The following GOLGA6L7 variants were observed in gnomAD, a reference collection of about 807,000 sequenced individuals.
GOLGA6L7 encodes golgin A6 family like 7.
Under a neutral mutation model 68.9 loss-of-function variants are expected in GOLGA6L7, and 29 were observed. The ratio of observed to expected loss-of-function variants is 0.42; its 90% CI spans 0.31 to 0.57. GOLGA6L7 has a LOEUF of 0.57. GOLGA6L7 is among the 20% of genes least tolerant of loss of function. The pLI is 0.13. For synonymous variants in GOLGA6L7, 133 were observed against 197.4 expected, an observed-to-expected ratio of 0.67 and a Z score of 2.73; for missense variants, 396 against 588.4, an observed-to-expected ratio of 0.67 and a Z score of 3.38.
intron 1 of GOLGA6L7, 69 bp from the exon 2 acceptor site, chr15:28,847,261 A>C: frequency 1.1e-6 from 1 of 896,414 alleles, no homozygotes. Context: ...CAGTTTATAC[A>C]AAATACTCTC....
chr15:28,842,454 G>C lies in GOLGA6L7; in HGVS notation c.1650C>G (p.Leu550=). Residue 550 remains leucine (L), a synonymous_variant, in exon 9 of 9, where the codon CTC becomes CTG. Transcript: ENST00000567390. ...TQEERCSEPC[L]PPSKYPSDMS... ...TATCAGAAGGATATTTGGAGGGAGG[G>C]AGGCAGGGCTCTGAGCACCGCTCCT... 8.9e-7 allele frequency: 1 copy of C among 1,129,050 alleles called. No homozygotes were observed. Among genetic ancestry groups the C allele is most frequent in the Non-Finnish European group, 1.1e-6 (1 of 887,564 alleles). 69.9% of individuals were successfully genotyped at this position (1,129,050 alleles called of 1,614,324 possible).
chr15:28,842,071 C>T lies in GOLGA6L7; in HGVS notation c.*164G>A, dbSNP rs1307649269. On this transcript the variant is annotated 3_prime_UTR_variant, in exon 9 of 9. Transcript: ENST00000567390. Reference sequence around the variant, plus strand: ...TAGCTGGGATTGGTGATCCACCCGCCTAGGCCTCCCAAAGTGGTGTGATTA... The same window carrying T: ...TAGCTGGGATTGGTGATCCACCCGCTTAGGCCTCCCAAAGTGGTGTGATTA... 1 of 492,172 alleles carries T rather than the reference C, an allele frequency of 2.0e-6. No individual in the cohort carries two copies. The highest frequency in any genetic ancestry group is 2.0e-5 in the African/African-American group (1 of 49,884). 30.5% of individuals were successfully genotyped at this position (492,172 alleles called of 1,614,324 possible). A position where few individuals can be genotyped will look rare whatever the true frequency, so the allele number is the denominator to read the frequency against.
rs868471388 is a variant in GOLGA6L7 at position 28,845,124 on chromosome 15, G to A, written c.462+405C>T. 4.3e-4 allele frequency: 110 copies of A among 255,446 alleles called. 1 individual carries two copies. Among genetic ancestry groups the A allele is most frequent in the South Asian group, 2.2e-3 (69 of 31,344 alleles). 15.8% of individuals were successfully genotyped at this position (255,446 alleles called of 1,614,324 possible). ...TTATGTATATTACCATAATACGTAC[G>A]TACACACACACACACACACACACAC... On this transcript the variant is annotated intron_variant, in intron 6 of 8. Coordinates refer to ENST00000567390, the MANE Select transcript of GOLGA6L7 (RefSeq NM_001365371.2).
rs1418312690 is a variant in GOLGA6L7, at chr15:28,847,344, T to C, written c.52-152A>G. 8.3e-4 allele frequency among the ~76,000 whole-genome samples: 125 copies of C among 150,012 alleles called. 1 individual carries two copies. Among genetic ancestry groups the C allele is most frequent in the Non-Finnish European group, 1.5e-3 (103 of 67,910 alleles). On this transcript the variant is annotated intron_variant, in intron 1 of 8. Coordinates refer to ENST00000567390, the MANE Select transcript of GOLGA6L7 (RefSeq NM_001365371.2). ...GCAATCACTTAGTGACTGAGAGGGA[T>C]TGATACCATGGCTAAAAGAAAGGCA...
At position 28,842,742 on chromosome 15, in the gene GOLGA6L7, C is replaced by T. The variant is rs1183074481; in HGVS notation, c.1362G>A (p.Glu454=). 1 of 1,274,168 alleles carries T rather than the reference C, an allele frequency of 7.8e-7. No individual in the cohort carries two copies. Among genetic ancestry groups the T allele is most frequent in the African/African-American group, 1.6e-5 (1 of 63,038 alleles). 78.9% of individuals were successfully genotyped at this position (1,274,168 alleles called of 1,614,324 possible). A position where few individuals can be genotyped will look rare whatever the true frequency, so the allele number is the denominator to read the frequency against. The part of the protein sequence containing the change: ...RKQEEQMGEQ[E]EQMRKQEEQM... ...GCTCCTCCTGCTTCCGCATCTGCTCCTCCTGCTCCCCCATCTGCTCCTCCT... is the reference window on the plus strand; with the variant it reads ...GCTCCTCCTGCTTCCGCATCTGCTCTTCCTGCTCCCCCATCTGCTCCTCCT... The change falls in exon 9 of 9, where the codon GAG becomes GAA. Residue 454 remains glutamate (E), a synonymous_variant. Coordinates refer to ENST00000567390, the MANE Select transcript of GOLGA6L7 (RefSeq NM_001365371.2).
Position 28,846,205 on chromosome 15 carries a change from A to T in GOLGA6L7, c.210+15T>A, listed in dbSNP as rs2141055216. On this transcript the variant is annotated intron_variant, in intron 3 of 8. Coordinates refer to ENST00000567390, the MANE Select transcript of GOLGA6L7 (RefSeq NM_001365371.2). ...CCAGCGGTCATGTCGTGAGCAAAGA[A>T]AGAAACCATGTTACCTCTTTCAGCT... is the stretch of plus-strand genomic sequence containing the variant. 1.3e-6 allele frequency: 1 copy of T among 754,284 alleles called. No homozygotes were observed. The highest frequency in any genetic ancestry group is 2.5e-5 in the East Asian group (1 of 40,554). 46.7% of individuals were successfully genotyped at this position (754,284 alleles called of 1,614,324 possible). A position where few individuals can be genotyped will look rare whatever the true frequency, so the allele number is the denominator to read the frequency against.
rs2030307378 is a variant in GOLGA6L7 at position 28,843,821 on chromosome 15, T to C, written c.576A>G (p.Arg192=). ...TCTCAGACTTTTCAGTTTCTACCAG[T>C]CGAAGTTTTTCTTGTAGTTCGGCAT... is the stretch of plus-strand genomic sequence containing the variant. ...EKNAELQEKL[R]LVETEKSEIQ... Residue 192 remains arginine (R), a synonymous_variant, in exon 8 of 9, where the codon CGA becomes CGG. Coordinates refer to ENST00000567390, the MANE Select transcript of GOLGA6L7 (RefSeq NM_001365371.2). 2 of 821,082 alleles carry C rather than the reference T, an allele frequency of 2.4e-6. No individual in the cohort carries two copies. The highest frequency in any genetic ancestry group is 5.2e-5 in the East Asian group (2 of 38,186). 50.9% of individuals were successfully genotyped at this position (821,082 alleles called of 1,614,324 possible).
intron 1 of GOLGA6L7, among the ~76,000 whole-genome samples, chr15:28,847,453 G>A: frequency 6.6e-6 from 1 of 151,744 alleles, no homozygotes; most frequent in South Asian, 2.1e-4. Flanking sequence ...CAAAACCAGA[G>A]GCAGAGGTAG....
rs1222750748 is a variant in GOLGA6L7, at chr15:28,848,149, T to G, written c.51+350A>C. ...AGGAGTCACCTGCCCAAAGTCACCC[T>G]GGGGTGACTGGTGAGGGCAGGTGCT... On this transcript the variant is annotated intron_variant, in intron 1 of 8. Coordinates refer to ENST00000567390, the MANE Select transcript of GOLGA6L7 (RefSeq NM_001365371.2). 3.3e-5 allele frequency among the ~76,000 whole-genome samples: 5 copies of G among 152,098 alleles called. No individual in the cohort carries two copies. In the East Asian group the frequency reaches 9.7e-4, roughly 29 times the overall value.
Position 28,842,466 on chromosome 15 carries a change from T to C in GOLGA6L7, c.1638A>G (p.Ser546=). ...EQEKTQEERC[S]EPCLPPSKYP... ...ATTTGGAGGGAGGGAGGCAGGGCTC[T>C]GAGCACCGCTCCTCCTGCGTCTTCT... The change falls in exon 9 of 9, where the codon TCA becomes TCG. Residue 546 remains serine, a synonymous_variant. Transcript: ENST00000567390. The C allele has an allele frequency of 1.8e-6, 2 of 1,134,950 alleles. No individual in the cohort carries two copies. The highest frequency in any genetic ancestry group is 2.2e-6 in the Non-Finnish European group (2 of 891,336). 70.3% of individuals were successfully genotyped at this position (1,134,950 alleles called of 1,614,324 possible). A position where few individuals can be genotyped will look rare whatever the true frequency, so the allele number is the denominator to read the frequency against.
At chr15:28,845,357 C>T in intron 6 of GOLGA6L7, 172 bp downstream of exon 6, 1 of 691,096 alleles carries the variant, frequency 1.4e-6, no homozygotes. Context: ...AACTCACCCA[C>T]AGCAGCTGAC....
Position 28,842,770 on chromosome 15 carries a change from T to G in GOLGA6L7, c.1334A>C (p.Lys445Thr). Residue 445 changes from lysine to threonine, a missense_variant, in exon 9 of 9, where the codon AAG becomes ACG. Lys to Thr is a moderately conservative substitution (Grantham distance 78). Transcript: ENST00000567390. ...CTGCTCCCCCATCTGCTCCTCCTGC[T>G]TCCGCATCTGCTCCTCCTGCTCCCC... is the stretch of plus-strand genomic sequence containing the variant. ...QMGEQEEQMR[K>T]QEEQMGEQEE... The G allele has an allele frequency of 7.9e-7, 1 of 1,264,796 alleles. No homozygotes were observed. The highest frequency in any genetic ancestry group is 9.9e-7 in the Non-Finnish European group (1 of 1,013,274). 78.3% of individuals were successfully genotyped at this position (1,264,796 alleles called of 1,614,324 possible).
chr15:28,844,587 C>T (rs1409964530), intron 6 of GOLGA6L7, among the ~76,000 whole-genome samples: 1 of 152,044 alleles, frequency 6.6e-6, no homozygotes. Flanking sequence ...TGTGCCACTG[C>T]ACCTGGCTCT....
chr15:28,843,352 C>T lies in GOLGA6L7; in HGVS notation c.752G>A (p.Arg251Gln), dbSNP rs1191399232. The T allele has an allele frequency of 3.6e-5, 20 of 550,866 alleles. No individual in the cohort carries two copies. In the Admixed American group the frequency reaches 4.9e-4, roughly 13 times the overall value. 34.1% of individuals were successfully genotyped at this position (550,866 alleles called of 1,614,324 possible). ...QEELRDQEKL[R>Q]KHEEKMWRQE... ...TCTCCACATCTTCTCCTCGTGCTTC[C>T]GTAGCTTCTCCTGATCCCGTAGCTC... Residue 251 changes from arginine to glutamine, a missense_variant, in exon 9 of 9, where the codon CGG becomes CAG. By Grantham distance (43) the Arg-to-Gln change is conservative. Transcript: ENST00000567390.
chr15:28,844,139 C>T (rs1225214994), intron 7 of GOLGA6L7, 66 bp downstream of exon 7: 5 of 495,938 alleles, frequency 1.0e-5, no homozygotes, highest in African/African-American at 4.0e-5. Flanking sequence ...CTGTACCCCC[C>T]ACCTCCCAGC....
rs929342830 is a variant in GOLGA6L7 at position 28,842,344 on chromosome 15, A to G, written c.1760T>C (p.Leu587Pro). The G allele has an allele frequency of 2.9e-5, 36 of 1,231,032 alleles. No individual in the cohort carries two copies. The highest frequency in any genetic ancestry group is 3.6e-5 in the Non-Finnish European group (35 of 985,690). The allele number at this position is 1,231,032 out of a possible 1,614,324, so 76.3% of individuals were successfully genotyped here. A position where few individuals can be genotyped will look rare whatever the true frequency, so the allele number is the denominator to read the frequency against. ...CTGGGCGTTCTTCATTCCAGGGGGC[A>G]GCTGCATGATCTGTGCAGTGCGGTT... ...HDNRTAQIMQ[L>P]PPGMKNAQER... Residue 587 changes from leucine (L) to proline (P), a missense_variant, in exon 9 of 9, where the codon CTG becomes CCG. This residue lies in a region of GOLGA6L7 where 125 missense variants were observed against 163.3 expected (regional missense o/e 0.77). Transcript: ENST00000567390.
At chr15:28,846,729 A>G (rs1196078164) in intron 2 of GOLGA6L7, 1 of 344,542 alleles carries the variant, frequency 2.9e-6, no homozygotes, top group Non-Finnish European at 5.0e-6. Context: ...CTCTAACTCT[A>G]CCTCCTCAGG....
intron 1 of GOLGA6L7, 116 bp downstream of exon 1, chr15:28,848,383 G>T (rs952437332): frequency 1.2e-5 from 7 of 578,346 alleles, no homozygotes; most frequent in Non-Finnish European, 2.1e-5. Flanking sequence ...AGAGGCACTG[G>T]GGGGGGCCCG....
Position 28,842,477 on chromosome 15 carries a change from C to T in GOLGA6L7, c.1627G>A (p.Glu543Lys). The T allele has an allele frequency of 1.7e-6, 2 of 1,153,252 alleles. No individual in the cohort carries two copies. Among genetic ancestry groups the T allele is most frequent in the South Asian group, 3.7e-5 (1 of 27,242 alleles). The allele number at this position is 1,153,252 out of a possible 1,614,324, so 71.4% of individuals were successfully genotyped here. A position where few individuals can be genotyped will look rare whatever the true frequency, so the allele number is the denominator to read the frequency against. The change falls in exon 9 of 9, where the codon GAG (glutamate) becomes AAG (lysine). Residue 543 changes from glutamate (E) to lysine (K), a missense_variant. Transcript: ENST00000567390. ...RMGEQEKTQE[E>K]RCSEPCLPPS... The stretch of plus-strand genomic sequence containing the variant: ...GGGAGGCAGGGCTCTGAGCACCGCT[C>T]CTCCTGCGTCTTCTCCTGCTCTCCC...
Sources: gnomAD v4.1 joint callset for allele counts (sites outside exome capture counted in the v4.1 genomes callset) on GRCh38, gnomAD v4.1.1 for gene constraint, gnomAD v4.1.1 regional missense constraint, MANE v1.5 for transcripts, NCBI Gene and HGNC (gene_info 2026-07-23, HGNC 2026-07-21) for gene names.